BMPR1B: variants seen among roughly 807,000 people sequenced by gnomAD.
BMPR1B encodes the protein bone morphogenetic protein receptor type-1B.
A neutral mutation model predicts 59.1 loss-of-function variants in BMPR1B; 12 were observed. That is an observed-to-expected ratio of 0.20 (90% CI 0.13 to 0.33). The LOEUF (loss-of-function observed/expected upper bound fraction) is 0.33, where lower values mean the gene tolerates loss of function less well. Among genes scored for constraint, BMPR1B ranks in the 10% least tolerant of loss-of-function variants. The pLI, the probability that BMPR1B is intolerant of heterozygous loss-of-function variation, is 1.00. For missense variants in BMPR1B, 550 were observed against 610.9 expected (o/e 0.90, Z 1.05); for synonymous variants, 237 against 207.3 (o/e 1.14, Z -1.23).
rs1726197714 is a variant in BMPR1B at position 95,048,420 on chromosome 4, C to A, written c.-18+52286C>A. ...CTGAACTAATTTATATTCCCACAAGCAATGTATAAGCATTCCCTTTTCTCC... is the reference window on the plus strand; with the variant it reads ...CTGAACTAATTTATATTCCCACAAGAAATGTATAAGCATTCCCTTTTCTCC... On this transcript the variant is annotated intron_variant, in intron 3 of 12. Transcript: ENST00000515059. Among the ~76,000 whole-genome samples the A allele has an allele frequency of 2.0e-5, 3 of 152,180 alleles. 1 individual carries two copies. Among genetic ancestry groups the A allele is most frequent in the Admixed American group, 2.0e-4 (3 of 15,264 alleles).
At chr4:95,015,231 T>C (rs972916059) in intron 3 of BMPR1B, among the ~76,000 whole-genome samples, 1 of 152,082 alleles carries the variant, frequency 6.6e-6, no homozygotes, top group Non-Finnish European at 1.5e-5. Context: ...AAAATGATCA[T>C]TTAACTGAAA....
intron 2 of BMPR1B, among the ~76,000 whole-genome samples, chr4:94,993,924 T>A (rs1038521234): frequency 1.3e-5 from 2 of 152,286 alleles, no homozygotes; most frequent in Middle Eastern, 3.4e-3. Context: ...TGTGTGTTAC[T>A]TAAATACATA....
chr4:94,926,708 G>T, intron 2 of BMPR1B, among the ~76,000 whole-genome samples: 1 of 151,882 alleles, frequency 6.6e-6, no homozygotes, highest in East Asian at 1.9e-4. Context: ...TGATTTATAG[G>T]GGTGTGTGTG....
intron 2 of BMPR1B, among the ~76,000 whole-genome samples, chr4:94,933,565 G>T (rs1729176300): frequency 6.6e-6 from 1 of 152,006 alleles, no homozygotes. Context: ...TACTGCAATT[G>T]TTTTTCAGTA....
intron 2 of BMPR1B, among the ~76,000 whole-genome samples, chr4:94,935,251 C>A (rs1256961725): frequency 6.6e-6 from 1 of 152,010 alleles, no homozygotes; most frequent in Non-Finnish European, 1.5e-5. Context: ...TTTCTATTAG[C>A]CTGTCAATTT....
chr4:94,881,449 A>G (rs539406472), intron 2 of BMPR1B, among the ~76,000 whole-genome samples: 4 of 151,696 alleles, frequency 2.6e-5, no homozygotes, highest in Admixed American at 6.6e-5. Context: ...TTCAAGTTCT[A>G]GGCTGGGGCA....
At chr4:94,906,483 T>C (rs558657638) in intron 2 of BMPR1B, among the ~76,000 whole-genome samples, 34 of 152,016 alleles carry the variant, frequency 2.2e-4, no homozygotes, top group Admixed American at 1.0e-3. Flanking sequence ...GACTGGCCAG[T>C]AGTCTTCCTG....
At chr4:95,070,853 C>T (rs1356783984) in intron 3 of BMPR1B, among the ~76,000 whole-genome samples, 1 of 152,112 alleles carries the variant, frequency 6.6e-6, no homozygotes, top group Non-Finnish European at 1.5e-5. Flanking sequence ...AGACAAAACG[C>T]CTGAGTATCT....
At chr4:94,921,480 G>A (rs1354985033) in intron 2 of BMPR1B, among the ~76,000 whole-genome samples, 2 of 152,054 alleles carry the variant, frequency 1.3e-5, no homozygotes, top group African/African-American at 4.8e-5. Flanking sequence ...GCTTTTATCT[G>A]TGGTGGAAGG....
intron 1 of BMPR1B, among the ~76,000 whole-genome samples, chr4:94,816,225 C>T (rs940913685): frequency 2.6e-5 from 4 of 152,224 alleles, no homozygotes; most frequent in African/African-American, 9.7e-5. Context: ...CAGCTGACTG[C>T]AACCTCTGCC....
intron 1 of BMPR1B, among the ~76,000 whole-genome samples, chr4:94,833,523 C>T (rs992286633): frequency 1.3e-5 from 2 of 152,098 alleles, no homozygotes; most frequent in African/African-American, 4.8e-5. Flanking sequence ...TCAGTGTTCT[C>T]TTACTCATCT....
intron 3 of BMPR1B, among the ~76,000 whole-genome samples, chr4:95,008,029 T>C (rs1722972001): frequency 6.6e-6 from 1 of 152,186 alleles, no homozygotes. Flanking sequence ...TGCAACTATG[T>C]GGGAGTTTAG....
intron 2 of BMPR1B, among the ~76,000 whole-genome samples, chr4:94,880,003 T>C (rs1726895404): frequency 6.6e-6 from 1 of 152,190 alleles, no homozygotes; most frequent in Non-Finnish European, 1.5e-5. Flanking sequence ...GAAGTGATTA[T>C]CGTAACAAAA....
chr4:95,140,883 T>A (rs1734188013), intron 10 of BMPR1B, among the ~76,000 whole-genome samples: 1 of 152,192 alleles, frequency 6.6e-6, no homozygotes, highest in African/African-American at 2.4e-5. Context: ...GAAACTTAGT[T>A]CTGCTTAATG....
intron 3 of BMPR1B, among the ~76,000 whole-genome samples, chr4:95,008,541 A>G (rs1723009658): frequency 6.6e-6 from 1 of 152,174 alleles, no homozygotes; most frequent in Non-Finnish European, 1.5e-5. Flanking sequence ...TAGATGAAGG[A>G]CTTAACTATG....
chr4:94,819,648 A>T (rs1444035404), intron 1 of BMPR1B, among the ~76,000 whole-genome samples: 1 of 152,216 alleles, frequency 6.6e-6, no homozygotes, highest in Non-Finnish European at 1.5e-5. Flanking sequence ...TGAGACCCTT[A>T]TTCAGTCCTT....
chr4:94,820,281 G>T (rs1724158212), intron 1 of BMPR1B, among the ~76,000 whole-genome samples: 2 of 152,092 alleles, frequency 1.3e-5, no homozygotes, highest in South Asian at 2.1e-4. Context: ...CTTCCCCCTA[G>T]AATCAGTTAT....
At chr4:95,108,836 G>C (rs1376621419) in intron 4 of BMPR1B, among the ~76,000 whole-genome samples, 1 of 151,896 alleles carries the variant, frequency 6.6e-6, no homozygotes, top group Non-Finnish European at 1.5e-5. Context: ...GTGTCAATTT[G>C]CGTTGTAATC....
chr4:95,042,399 G>A (rs1313986947), intron 3 of BMPR1B, among the ~76,000 whole-genome samples: 3 of 152,108 alleles, frequency 2.0e-5, no homozygotes, highest in Admixed American at 6.6e-5. Context: ...ATGGCTTGAT[G>A]TATACAAACT....
Sources: gnomAD v4.1 joint callset for allele counts (sites outside exome capture counted in the v4.1 genomes callset) on GRCh38, gnomAD v4.1.1 for gene constraint, MANE v1.5 for transcripts, NCBI Gene and HGNC (gene_info 2026-07-23, HGNC 2026-07-21) for gene names.